The following RBMS3 variants were observed in gnomAD, a reference collection of about 807,000 sequenced individuals.
RBMS3 encodes RNA binding motif single stranded interacting protein 3.
In RBMS3, 27 loss-of-function variants were observed where a neutral mutation model predicts 66.8. The ratio of observed to expected loss-of-function variants is 0.40; its 90% CI spans 0.30 to 0.56. The LOEUF (loss-of-function observed/expected upper bound fraction) is 0.56, where lower values mean the gene tolerates loss of function less well. Ranked by LOEUF, RBMS3 falls within the 20% of genes least tolerant of loss-of-function variation. The pLI, the probability that RBMS3 is intolerant of heterozygous loss-of-function variation, is 0.40. For missense variants in RBMS3, 513 were observed against 549.5 expected, an observed-to-expected ratio of 0.93 and a Z score of 0.66; for synonymous variants, 188 against 183.0, an observed-to-expected ratio of 1.03 and a Z score of -0.22.
At chr3:29,831,756 T>A (rs2058374710) in intron 6 of RBMS3, among the ~76,000 whole-genome samples, 1 of 152,110 alleles carries the variant, frequency 6.6e-6, no homozygotes, top group South Asian at 2.1e-4. Flanking sequence ...CCAAAAGCTG[T>A]TAGATTGATT....
intron 6 of RBMS3, among the ~76,000 whole-genome samples, chr3:29,798,732 A>AGAT: frequency 6.6e-6 from 1 of 152,272 alleles, no homozygotes; most frequent in South Asian, 2.1e-4. Context: ...TAAGCTGACC[A>AGAT]GATGACATAG....
At chr3:29,297,386 A>G (rs553348907) in intron 1 of RBMS3, among the ~76,000 whole-genome samples, 3 of 151,848 alleles carry the variant, frequency 2.0e-5, no homozygotes, top group South Asian at 4.1e-4. Flanking sequence ...GGAGAGGGCA[A>G]TTGAAAAGCT....
chr3:29,824,916 CT>C (rs1244359402), intron 6 of RBMS3, among the ~76,000 whole-genome samples: 1 of 152,044 alleles, frequency 6.6e-6, no homozygotes, highest in African/African-American at 2.4e-5. Context: ...TTTATCATCA[CT>C]TGGGTTTTTC....
At chr3:29,434,443 A>G (rs1415568955) in intron 1 of RBMS3, among the ~76,000 whole-genome samples, 1 of 152,174 alleles carries the variant, frequency 6.6e-6, no homozygotes, top group Non-Finnish European at 1.5e-5. Flanking sequence ...ATGCTACTTT[A>G]CCAATCTAAG....
chr3:29,522,682 G>T (rs1370389736), intron 3 of RBMS3, among the ~76,000 whole-genome samples: 1 of 152,144 alleles, frequency 6.6e-6, no homozygotes, highest in Non-Finnish European at 1.5e-5. Context: ...CACTGTAGGA[G>T]AAAGAAAAAC....
In RBMS3 at chr3:29,515,636, A is replaced by T. The variant is rs149934515; in HGVS notation, c.307+27137A>T. Among the ~76,000 whole-genome samples the T allele has an allele frequency of 6.8e-3, 1,030 of 152,342 alleles. 4 individuals are homozygous for T. The highest frequency in any genetic ancestry group is 0.012 in the Non-Finnish European group (803 of 68,028). The stretch of plus-strand genomic sequence containing the variant: ...TGACTTAAACTGTTTTTCACACCGC[A>T]TAAGAAGGAGACTGAAGGTAAGCAA... On this transcript the variant is annotated intron_variant, in intron 3 of 14. Coordinates refer to ENST00000383767, the MANE Select transcript of RBMS3 (RefSeq NM_001003793.3).
At chr3:29,667,350 G>A (rs2050810363) in intron 4 of RBMS3, among the ~76,000 whole-genome samples, 1 of 152,100 alleles carries the variant, frequency 6.6e-6, no homozygotes, top group Non-Finnish European at 1.5e-5. Flanking sequence ...GTATAACCAT[G>A]TAGTCTCTGG....
chr3:29,798,487 G>C (rs1030517782), intron 6 of RBMS3, among the ~76,000 whole-genome samples: 1 of 151,862 alleles, frequency 6.6e-6, no homozygotes, highest in Non-Finnish European at 1.5e-5. Flanking sequence ...GAGGCAGAAG[G>C]CTGTGTCAAA....
chr3:29,950,262 T>C (rs922065349), intron 12 of RBMS3, among the ~76,000 whole-genome samples: 1 of 151,852 alleles, frequency 6.6e-6, no homozygotes, highest in African/African-American at 2.4e-5. Flanking sequence ...CCTCTCAAAA[T>C]GCTTTCTGCA....
intron 3 of RBMS3, among the ~76,000 whole-genome samples, chr3:29,543,633 C>T (rs1559454476): frequency 6.6e-6 from 1 of 152,110 alleles, no homozygotes. Flanking sequence ...TTGCTTGAAC[C>T]CAGGAGGTGG....
intron 1 of RBMS3, among the ~76,000 whole-genome samples, chr3:29,344,007 G>T (rs1354369430): frequency 6.6e-6 from 1 of 152,150 alleles, no homozygotes; most frequent in Non-Finnish European, 1.5e-5. Flanking sequence ...TTGCCTAAGG[G>T]CATACAATAA....
At chr3:29,350,455 A>C (rs1435097968) in intron 1 of RBMS3, among the ~76,000 whole-genome samples, 1 of 152,218 alleles carries the variant, frequency 6.6e-6, no homozygotes, top group East Asian at 1.9e-4. Flanking sequence ...AACTAATTTC[A>C]GTTAGTTTAC....
intron 1 of RBMS3, 42 bp from the exon 2 acceptor site, chr3:29,434,701 G>A (rs1261601482): frequency 6.3e-6 from 10 of 1,589,002 alleles, no homozygotes; most frequent in Non-Finnish European, 8.6e-6. Flanking sequence ...GTGAATAGGT[G>A]CTGGCTTTTG....
At chr3:29,411,245 A>G (rs915192069) in intron 1 of RBMS3, among the ~76,000 whole-genome samples, 1 of 152,224 alleles carries the variant, frequency 6.6e-6, no homozygotes, top group African/African-American at 2.4e-5. Context: ...AAGGTGGCAT[A>G]AAAGTAATGG....
chr3:29,355,893 A>G (rs2037197814), intron 1 of RBMS3, among the ~76,000 whole-genome samples: 1 of 152,114 alleles, frequency 6.6e-6, no homozygotes, highest in African/African-American at 2.4e-5. Context: ...AAGATACAGA[A>G]CCATTCTGTA....
chr3:29,508,392 C>T (rs952427137), intron 3 of RBMS3, among the ~76,000 whole-genome samples: 1 of 152,146 alleles, frequency 6.6e-6, no homozygotes, highest in African/African-American at 2.4e-5. Flanking sequence ...TGATATTCCC[C>T]TCCCTGTGTC....
chr3:29,713,532 C>T (rs2149309780), intron 4 of RBMS3, among the ~76,000 whole-genome samples: 1 of 152,188 alleles, frequency 6.6e-6, no homozygotes, highest in Non-Finnish European at 1.5e-5. Context: ...CATTTCTATA[C>T]CAGAAGAAAA....
At chr3:29,330,206 A>G (rs773070522) in intron 1 of RBMS3, among the ~76,000 whole-genome samples, 1 of 152,060 alleles carries the variant, frequency 6.6e-6, no homozygotes, top group African/African-American at 2.4e-5. Flanking sequence ...TGAATATACC[A>G]CTGTGTGGGA....
chr3:29,562,982 T>C (rs183611465), intron 3 of RBMS3, among the ~76,000 whole-genome samples: 195 of 152,110 alleles, frequency 1.3e-3, no homozygotes, highest in Middle Eastern at 6.8e-3. Context: ...AAGAAAAGCA[T>C]AGAAGGAAAA....
Sources: gnomAD v4.1 joint callset for allele counts (sites outside exome capture counted in the v4.1 genomes callset) on GRCh38, gnomAD v4.1.1 for gene constraint, MANE v1.5 for transcripts, NCBI Gene and HGNC (gene_info 2026-07-23, HGNC 2026-07-21) for gene names.